The following AKAP12 variants were observed in gnomAD, a reference collection of about 807,000 sequenced individuals.
AKAP12 encodes A-kinase anchoring protein 12, also known as A-kinase anchor protein 12.
AKAP12 carries 32 observed loss-of-function variants against 79.9 expected under a neutral mutation model. The observed-to-expected ratio is 0.40, with a 90% CI of 0.30 to 0.54. The LOEUF is 0.54. Among genes scored for constraint, AKAP12 ranks in the 20% least tolerant of loss-of-function variants. The pLI, the probability that AKAP12 is intolerant of heterozygous loss-of-function variation, is 0.48. For synonymous variants in AKAP12, 808 were observed against 857.0 expected (o/e 0.94, Z 1.00); for missense variants, 2,074 against 2,177.0 (o/e 0.95, Z 0.94).
At position 151,351,976 on chromosome 6, in the gene AKAP12, T is replaced by C; in HGVS notation, c.3585T>C (p.His1195=). The change falls in exon 4 of 5, where the codon CAT becomes CAC. Residue 1195 remains histidine, a synonymous_variant. Coordinates refer to ENST00000402676, the MANE Select transcript of AKAP12 (RefSeq NM_005100.4). This position sits in a 1 kb window ranked among gnomAD's most constrained non-coding sequence, Gnocchi z 4.4. ...AGAAAGACGAGATTGTGGAAATCCATGAGGAGAATGAGGTCGCATCTGGTA... is the reference window on the plus strand; with the variant it reads ...AGAAAGACGAGATTGTGGAAATCCACGAGGAGAATGAGGTCGCATCTGGTA... ...TTQKDEIVEI[H]EENEVASGTQ... 1 of 1,613,856 alleles carries C rather than the reference T, an allele frequency of 6.2e-7. No individual in the cohort carries two copies. The highest frequency in any genetic ancestry group is 2.2e-5 in the East Asian group (1 of 44,836).
Position 151,289,425 on chromosome 6 carries a change from G to A in AKAP12, c.163-16322G>A, listed in dbSNP as rs138710112. ...TCTGACCAGCCTGCATGTTTCAGAA[G>A]CAGAAGTATGAAAAAATAGATTTGG... On this transcript the variant is annotated intron_variant, in intron 2 of 4. Coordinates refer to ENST00000402676, the MANE Select transcript of AKAP12 (RefSeq NM_005100.4). 7.2e-5 allele frequency among the ~76,000 whole-genome samples: 11 copies of A among 152,286 alleles called. No individual in the cohort carries two copies. The East Asian group carries it at 2.1e-3, about 29-fold the overall frequency.
At chr6:151,248,980 C>G (rs953396586) in intron 2 of AKAP12, among the ~76,000 whole-genome samples, 5 of 151,310 alleles carry the variant, frequency 3.3e-5, no homozygotes, top group African/African-American at 7.3e-5. Context: ...GAGCAAGACT[C>G]TGTCTCAAAA....
At chr6:151,259,468 A>ATG (rs377343962) in intron 2 of AKAP12, among the ~76,000 whole-genome samples, 59,981 of 135,106 alleles carry the variant, frequency 0.44, 13,096 homozygotes, top group East Asian at 0.55. Context: ...ACATATATAC[A>ATG]TGTATATATA....
chr6:151,348,681 C>CACT, intron 3 of AKAP12, 30 bp from the exon 4 acceptor site: 2 of 218,348 alleles, frequency 9.2e-6, no homozygotes, highest in South Asian at 1.0e-4. Context: ...TTTCTCTTCT[C>CACT]CCCACCCCCC....
intron 2 of AKAP12, among the ~76,000 whole-genome samples, chr6:151,287,597 A>T (rs1445861777): frequency 6.6e-6 from 1 of 152,222 alleles, no homozygotes; most frequent in African/African-American, 2.4e-5. Context: ...ATTATGAGGA[A>T]TGCTTTTACA....
At chr6:151,284,171 T>G (rs1215744463) in intron 2 of AKAP12, among the ~76,000 whole-genome samples, 4 of 152,178 alleles carry the variant, frequency 2.6e-5, no homozygotes, top group Non-Finnish European at 5.9e-5. Flanking sequence ...TCCTGGTTAT[T>G]GCTCCATTAC....
rs545376890 is a variant in AKAP12 at position 151,346,594 on chromosome 6, G to A, written c.320-2117G>A. Among the ~76,000 whole-genome samples the A allele has an allele frequency of 2.0e-4, 31 of 152,332 alleles. No homozygotes were observed. The South Asian group carries it at 5.6e-3, about 27-fold the overall frequency. ...TGTCCTTCTCAGTGCTTCACACCAG[G>A]AAGCGCGATGGCATCTGTCCCATTA... On this transcript the variant is annotated intron_variant, in intron 3 of 4. Transcript: ENST00000402676.
intron 3 of AKAP12, chr6:151,324,634 G>C (rs1777479224): frequency 1.0e-6 from 1 of 985,248 alleles, no homozygotes; most frequent in Admixed American, 6.2e-5. Context: ...CTTTTTGTTT[G>C]TGTAGGGGAA....
intron 3 of AKAP12, among the ~76,000 whole-genome samples, chr6:151,326,862 A>C (rs1266230832): frequency 6.6e-6 from 1 of 151,802 alleles, no homozygotes; most frequent in Non-Finnish European, 1.5e-5. Context: ...CTTTCGCCAG[A>C]CTGAAGTGCA....
intron 3 of AKAP12, among the ~76,000 whole-genome samples, chr6:151,337,425 G>A (rs1777842831): frequency 6.7e-6 from 1 of 149,724 alleles, no homozygotes; most frequent in South Asian, 2.1e-4. Flanking sequence ...TAGGACAGAA[G>A]AATCGCTTGA....
intron 3 of AKAP12, among the ~76,000 whole-genome samples, chr6:151,339,003 C>T (rs946084540): frequency 1.3e-5 from 2 of 152,120 alleles, no homozygotes; most frequent in African/African-American, 4.8e-5. Flanking sequence ...ATGCTCGGGC[C>T]GATCTTTTGA....
intron 2 of AKAP12, among the ~76,000 whole-genome samples, chr6:151,284,528 TG>T (rs1776463691): frequency 6.6e-6 from 1 of 152,144 alleles, no homozygotes; most frequent in Non-Finnish European, 1.5e-5. Context: ...CTTGGGGGGC[TG>T]AGGCTGGAGT....
chr6:151,326,503 A>AAAAG (rs1554330511), intron 3 of AKAP12, among the ~76,000 whole-genome samples: 3 of 149,210 alleles, frequency 2.0e-5, no homozygotes, highest in Non-Finnish European at 4.4e-5. Flanking sequence ...AAAAAAAAAA[A>AAAAG]AAAGAAAAAA....
intron 2 of AKAP12, among the ~76,000 whole-genome samples, chr6:151,252,959 A>G (rs1260849825): frequency 1.3e-5 from 2 of 152,064 alleles, no homozygotes; most frequent in South Asian, 2.1e-4. Flanking sequence ...CAGAGAAGAC[A>G]TTTTCGCTTT....
intron 2 of AKAP12, chr6:151,280,632 T>G (rs1490063946): frequency 6.8e-6 from 1 of 147,936 alleles, no homozygotes; most frequent in African/African-American, 2.5e-5. Context: ...TTCTTTCTTT[T>G]TCTTTTTCAT....
intron 2 of AKAP12, among the ~76,000 whole-genome samples, chr6:151,303,471 A>C (rs925014407): frequency 6.6e-6 from 1 of 152,250 alleles, no homozygotes; most frequent in Non-Finnish European, 1.5e-5. Context: ...AAGCTCATGC[A>C]GTTGAAGGAC....
rs543732817 is a variant in AKAP12 at position 151,284,613 on chromosome 6, G to A, written c.163-21134G>A. Among the ~76,000 whole-genome samples, 27 of 152,294 alleles carry A rather than the reference G, an allele frequency of 1.8e-4. No homozygotes were observed. In the East Asian group the frequency reaches 3.7e-3, roughly 21 times the overall value. On this transcript the variant is annotated intron_variant, in intron 2 of 4. Transcript: ENST00000402676. Reference sequence around the variant, plus strand: ...ACTGCACTCCAGTCTGGGCAACAGAGCAAGACCCTGTCTCAAACAAAACCG... The same window carrying A: ...ACTGCACTCCAGTCTGGGCAACAGAACAAGACCCTGTCTCAAACAAAACCG...
intron 3 of AKAP12, among the ~76,000 whole-genome samples, chr6:151,326,455 GGCTAGGAA>G (rs1777528058): frequency 6.7e-6 from 1 of 148,354 alleles, no homozygotes; most frequent in Non-Finnish European, 1.5e-5. Flanking sequence ...TAAAATCGGT[GGCTAGGAA>G]GCAACACTAT....
intron 2 of AKAP12, among the ~76,000 whole-genome samples, chr6:151,280,245 A>C (rs182363300): frequency 1.3e-4 from 20 of 152,192 alleles, no homozygotes; most frequent in Non-Finnish European, 2.5e-4. Flanking sequence ...ATGATCTCCT[A>C]TTACAAGTAA....
Sources: gnomAD v4.1 joint callset for allele counts (sites outside exome capture counted in the v4.1 genomes callset) on GRCh38, gnomAD v4.1.1 for gene constraint, Gnocchi (gnomAD v3.1) non-coding constraint, MANE v1.5 for transcripts, NCBI Gene and HGNC (gene_info 2026-07-23, HGNC 2026-07-21) for gene names.